NREP: variants seen among roughly 807,000 people sequenced by gnomAD.
NREP encodes neuronal regeneration related protein.
NREP carries 5 observed loss-of-function variants against 8.6 expected under a neutral mutation model. The ratio of observed to expected loss-of-function variants is 0.58; its 90% CI spans 0.30 to 1.22. The LOEUF (loss-of-function observed/expected upper bound fraction) is 1.22. Ranked by LOEUF, NREP falls within the 50% of genes most tolerant of loss-of-function variation. The probability of loss-of-function intolerance (pLI) is 0.07; values close to 1 mark genes in which losing one functional copy is unlikely to be tolerated. For synonymous variants in NREP, 27 were observed against 28.0 expected, an observed-to-expected ratio of 0.96 and a Z score of 0.11; for missense variants, 86 against 82.5, an observed-to-expected ratio of 1.04 and a Z score of -0.17.
At chr5:111,744,474 T>G (rs1749877499) in intron 2 of NREP, among the ~76,000 whole-genome samples, 1 of 152,092 alleles carries the variant, frequency 6.6e-6, no homozygotes, top group Non-Finnish European at 1.5e-5. Context: ...ACATGCTATT[T>G]AAATGCTCAG....
chr5:111,834,429 TC>T (rs1752846588), intron 2 of NREP, among the ~76,000 whole-genome samples: 2 of 152,154 alleles, frequency 1.3e-5, no homozygotes, highest in Non-Finnish European at 2.9e-5. Context: ...ATAGTTATTT[TC>T]AAACTAATAA....
chr5:111,819,571 T>C (rs1433682958), intron 2 of NREP, among the ~76,000 whole-genome samples: 1 of 152,208 alleles, frequency 6.6e-6, no homozygotes, highest in East Asian at 1.9e-4. Context: ...GAAGTTGCCA[T>C]GAATACTGAA....
At chr5:111,757,761 G>T, upstream of NREP, 2 of 981,948 alleles carry the variant, frequency 2.0e-6, no homozygotes, top group Non-Finnish European at 2.4e-6. Flanking sequence ...CAAATCCCCG[G>T]CCTTCCTCCC....
At chr5:111,843,616 T>A (rs1259768106) in intron 2 of NREP, among the ~76,000 whole-genome samples, 1 of 152,152 alleles carries the variant, frequency 6.6e-6, no homozygotes, top group Non-Finnish European at 1.5e-5. Flanking sequence ...TCTTGAGCCT[T>A]ATTATTAGTG....
chr5:111,770,192 A>G (rs751392521), intron 2 of NREP, among the ~76,000 whole-genome samples: 10 of 152,126 alleles, frequency 6.6e-5, no homozygotes, highest in Admixed American at 2.6e-4. Flanking sequence ...TATAACCCCA[A>G]TGTCTGAGAC....
chr5:111,935,539 A>C (rs766402250), intron 2 of NREP, among the ~76,000 whole-genome samples: 9 of 152,122 alleles, frequency 5.9e-5, no homozygotes, highest in South Asian at 2.1e-4. Flanking sequence ...AAATTTAGCT[A>C]TAACTCCAGG....
chr5:111,783,278 A>G (rs2112885411), intron 2 of NREP, among the ~76,000 whole-genome samples: 1 of 152,332 alleles, frequency 6.6e-6, no homozygotes, highest in East Asian at 1.9e-4. Context: ...TGTTGTGTAT[A>G]AATTCCTGCT....
chr5:111,854,117 CA>C (rs1467723013), intron 2 of NREP, among the ~76,000 whole-genome samples: 1 of 151,918 alleles, frequency 6.6e-6, no homozygotes. Flanking sequence ...GAATTAAAAA[CA>C]AAAATCCAAG....
At chr5:111,837,751 G>A (rs1442224405) in intron 2 of NREP, among the ~76,000 whole-genome samples, 4 of 152,002 alleles carry the variant, frequency 2.6e-5, no homozygotes, top group African/African-American at 2.4e-5. Flanking sequence ...AAATCATTAG[G>A]TGAATTGTTG....
intron 1 of NREP, among the ~76,000 whole-genome samples, chr5:111,756,508 G>A (rs965808387): frequency 6.6e-6 from 1 of 152,068 alleles, no homozygotes; most frequent in Non-Finnish European, 1.5e-5. Flanking sequence ...TTCTCAAAAA[G>A]GGTATCATTC....
intron 2 of NREP, among the ~76,000 whole-genome samples, chr5:111,970,294 G>A (rs1756774009): frequency 6.6e-6 from 1 of 151,982 alleles, no homozygotes; most frequent in African/African-American, 2.4e-5. Context: ...TACATACATA[G>A]GTCTCTTCTT....
upstream of NREP, among the ~76,000 whole-genome samples, chr5:111,761,938 A>G (rs148992950): frequency 1.1e-3 from 173 of 152,338 alleles, no homozygotes; most frequent in Middle Eastern, 3.4e-3. Context: ...TCTGAAAGTG[A>G]CAAGATTTTT....
chr5:111,766,389 G>C (rs540146096), intron 2 of NREP, among the ~76,000 whole-genome samples: 13 of 152,132 alleles, frequency 8.5e-5, no homozygotes, highest in Admixed American at 6.5e-5. Context: ...GCATCAAAAC[G>C]TCAGTGCCTT....
intron 2 of NREP, among the ~76,000 whole-genome samples, chr5:111,876,512 A>G (rs1753913209): frequency 2.0e-5 from 3 of 152,146 alleles, no homozygotes; most frequent in South Asian, 2.1e-4. Context: ...CCAATGAAAC[A>G]CAGTTCCCAC....
intron 2 of NREP, among the ~76,000 whole-genome samples, chr5:111,963,069 C>T (rs898530253): frequency 9.9e-5 from 15 of 152,258 alleles, no homozygotes; most frequent in African/African-American, 2.9e-4. Flanking sequence ...AGCCGCCCTG[C>T]GCAACGAGGC....
chr5:111,897,304 G>C (rs962335333), intron 2 of NREP, among the ~76,000 whole-genome samples: 1 of 152,112 alleles, frequency 6.6e-6, no homozygotes, highest in African/African-American at 2.4e-5. Context: ...TGGAACACAA[G>C]TACTTTAAAA....
chr5:111,910,536 T>G (rs1346030337), intron 2 of NREP, among the ~76,000 whole-genome samples: 1 of 152,112 alleles, frequency 6.6e-6, no homozygotes, highest in Admixed American at 6.6e-5. Context: ...AAGAAACTTA[T>G]GGAAAATTAT....
At chr5:111,911,313 G>T (rs1257887436) in intron 2 of NREP, among the ~76,000 whole-genome samples, 1 of 152,048 alleles carries the variant, frequency 6.6e-6, no homozygotes, top group Non-Finnish European at 1.5e-5. Flanking sequence ...TTTCTAAATA[G>T]ACTGATGAAT....
At chr5:111,878,902 C>T (rs564902936) in intron 2 of NREP, among the ~76,000 whole-genome samples, 24 of 152,230 alleles carry the variant, frequency 1.6e-4, no homozygotes, top group South Asian at 1.2e-3. Context: ...ACTCATTCAG[C>T]GAATACTCCT....
Sources: allele counts gnomAD v4.1 joint callset (sites outside exome capture counted in the v4.1 genomes callset), GRCh38; gene constraint gnomAD v4.1.1; transcripts MANE v1.5; gene names NCBI Gene and HGNC (gene_info 2026-07-23, HGNC 2026-07-21).